MAST4: variants seen among roughly 807,000 people sequenced by gnomAD.
MAST4 encodes microtubule associated serine/threonine kinase family member 4.
Under a neutral mutation model 162.7 loss-of-function variants are expected in MAST4, and 89 were observed. The ratio of observed to expected loss-of-function variants is 0.55; its 90% CI spans 0.46 to 0.65. The LOEUF (loss-of-function observed/expected upper bound fraction) is 0.65. Among genes scored for constraint, MAST4 ranks in the 30% least tolerant of loss-of-function variants. The pLI, the probability that MAST4 is intolerant of heterozygous loss-of-function variation, is 0.00. For synonymous variants in MAST4, 1,479 were observed against 1,361.1 expected, an observed-to-expected ratio of 1.09 and a Z score of -1.91; for missense variants, 3,153 against 3,374.0, an observed-to-expected ratio of 0.93 and a Z score of 1.62.
intron 4 of MAST4, among the ~76,000 whole-genome samples, chr5:66,920,249 G>C (rs1042852236): frequency 3.3e-5 from 5 of 151,876 alleles, no homozygotes; most frequent in African/African-American, 1.2e-4. Context: ...GCTGCATTTT[G>C]GTCAACTCAA....
At chr5:66,887,039 T>C (rs1463798785) in intron 3 of MAST4, among the ~76,000 whole-genome samples, 1 of 152,108 alleles carries the variant, frequency 6.6e-6, no homozygotes, top group African/African-American at 2.4e-5. Context: ...TTATTGCTTT[T>C]GATGCTTTTT....
intron 2 of MAST4, among the ~76,000 whole-genome samples, chr5:66,766,622 T>C (rs1754109323): frequency 6.6e-6 from 1 of 152,106 alleles, no homozygotes; most frequent in Non-Finnish European, 1.5e-5. Context: ...TAGTACCCAA[T>C]GGGTTTCTCA....
At chr5:66,721,521 C>G (rs1042131254) in intron 1 of MAST4, among the ~76,000 whole-genome samples, 2 of 148,424 alleles carry the variant, frequency 1.3e-5, no homozygotes, top group African/African-American at 2.6e-5. Flanking sequence ...CTCTCCTTTG[C>G]TGGTTCTTCC....
chr5:66,598,950 A>G (rs570851337), intron 1 of MAST4, among the ~76,000 whole-genome samples: 1 of 152,302 alleles, frequency 6.6e-6, no homozygotes, highest in East Asian at 1.9e-4. Context: ...GGTTGATTGA[A>G]ACACATTTTG....
chr5:66,964,722 G>C (rs943135584), intron 4 of MAST4, among the ~76,000 whole-genome samples: 9 of 152,218 alleles, frequency 5.9e-5, no homozygotes, highest in Non-Finnish European at 1.3e-4. Context: ...AGAATGGCGT[G>C]AACTCGGGAG....
rs1457605493 is a variant in MAST4, at chr5:66,776,152, T to C, written c.518-12518T>C. On this transcript the variant is annotated intron_variant, in intron 2 of 28. Coordinates refer to ENST00000403625, the MANE Select transcript of MAST4 (RefSeq NM_001164664.2). ...CTGGAAGTTTCTGCATAGGTTGTGA[T>C]ATGGAGTTTATTTTGTCACCTCTAT... is the stretch of plus-strand genomic sequence containing the variant. Among the ~76,000 whole-genome samples the C allele has an allele frequency of 2.0e-5, 3 of 152,344 alleles. No homozygotes were observed. In the East Asian group the frequency reaches 5.8e-4, roughly 29 times the overall value.
At chr5:66,659,707 C>T (rs951739055) in intron 1 of MAST4, among the ~76,000 whole-genome samples, 6 of 152,092 alleles carry the variant, frequency 3.9e-5, no homozygotes, top group Non-Finnish European at 7.4e-5. Flanking sequence ...TCTAGAGATG[C>T]AAAGATGAAG....
chr5:66,908,585 G>C (rs963848093), intron 4 of MAST4, among the ~76,000 whole-genome samples: 1 of 152,136 alleles, frequency 6.6e-6, no homozygotes, highest in Admixed American at 6.5e-5. Context: ...AGGGGCAGAA[G>C]TTCCCTATTT....
chr5:66,697,161 A>AT (rs1749460172), intron 1 of MAST4, among the ~76,000 whole-genome samples: 2 of 152,206 alleles, frequency 1.3e-5, no homozygotes, highest in Non-Finnish European at 2.9e-5. Flanking sequence ...GTTGCCAGTG[A>AT]TTTTAAGTCT....
chr5:66,960,363 A>G (rs1745860667), intron 4 of MAST4, among the ~76,000 whole-genome samples: 1 of 152,196 alleles, frequency 6.6e-6, no homozygotes, highest in South Asian at 2.1e-4. Flanking sequence ...TATACTAATG[A>G]GGGACTCACT....
At chr5:67,106,374 C>G (rs1765592371) in intron 10 of MAST4, among the ~76,000 whole-genome samples, 1 of 152,186 alleles carries the variant, frequency 6.6e-6, no homozygotes, top group Admixed American at 6.5e-5. Flanking sequence ...AGCATTTCCT[C>G]AACCACACAT....
chr5:66,628,579 T>C (rs1486468591), intron 1 of MAST4, among the ~76,000 whole-genome samples: 2 of 151,984 alleles, frequency 1.3e-5, no homozygotes, highest in East Asian at 3.9e-4. Flanking sequence ...GGAAAAATTA[T>C]TATTATTTTT....
chr5:66,908,022 C>G (rs1159270445), intron 4 of MAST4, among the ~76,000 whole-genome samples: 1 of 151,874 alleles, frequency 6.6e-6, no homozygotes, highest in African/African-American at 2.4e-5. Flanking sequence ...TGTTAGAAAC[C>G]CAAAAACAAA....
rs1163541260 is a variant in MAST4, at chr5:67,151,767, CTTTTTTTT to C, written c.3296-859_3296-852del. ...TCCTTTTTTTTTTTCTTCTTTTTTTCTTTTTTTTTTTTTTTTTTGAGATAGGGTCTTGC... is the reference window on the plus strand; with the variant it reads ...TCCTTTTTTTTTTTCTTCTTTTTTTCTTTTTTTTTTGAGATAGGGTCTTGC... On this transcript the variant is annotated intron_variant, in intron 24 of 28. Coordinates refer to ENST00000403625, the MANE Select transcript of MAST4 (RefSeq NM_001164664.2). Among the ~76,000 whole-genome samples the C allele has an allele frequency of 1.2e-3, 142 of 115,654 alleles. 1 individual carries two copies. The highest frequency in any genetic ancestry group is 4.5e-3 in the African/African-American group (138 of 30,660). 75.9% of individuals were successfully genotyped at this position (115,654 alleles called of 152,430 possible).
intron 1 of MAST4, among the ~76,000 whole-genome samples, chr5:66,669,202 A>G (rs1485786208): frequency 1.3e-5 from 2 of 152,194 alleles, no homozygotes; most frequent in Admixed American, 6.5e-5. Flanking sequence ...AAAGAGATAG[A>G]AGGGTGATCT....
intron 3 of MAST4, among the ~76,000 whole-genome samples, chr5:66,841,956 T>G (rs1330790393): frequency 2.0e-5 from 3 of 152,182 alleles, no homozygotes; most frequent in Non-Finnish European, 2.9e-5. Context: ...ATTCTTGGTT[T>G]CTAGCAATCC....
At chr5:66,805,710 A>G (rs1236982399) in intron 3 of MAST4, among the ~76,000 whole-genome samples, 1 of 152,190 alleles carries the variant, frequency 6.6e-6, no homozygotes, top group East Asian at 1.9e-4. Context: ...TTTATGACAC[A>G]TAACCCTGGA....
chr5:66,688,121 A>G (rs1748809264), intron 1 of MAST4, among the ~76,000 whole-genome samples: 1 of 152,136 alleles, frequency 6.6e-6, no homozygotes, highest in Non-Finnish European at 1.5e-5. Context: ...TCTGGTCATG[A>G]TAGCTTTTAG....
At chr5:66,911,569 C>A (rs1336828377) in intron 4 of MAST4, among the ~76,000 whole-genome samples, 5 of 86,454 alleles carry the variant, frequency 5.8e-5, no homozygotes, top group East Asian at 5.2e-4. Flanking sequence ...CCCCCCCCCC[C>A]CCCCCCGCAA....
Sources: gnomAD v4.1 joint callset for allele counts (sites outside exome capture counted in the v4.1 genomes callset) on GRCh38, gnomAD v4.1.1 for gene constraint, MANE v1.5 for transcripts, NCBI Gene and HGNC (gene_info 2026-07-23, HGNC 2026-07-21) for gene names.